The following AP1G1 variants were observed in gnomAD, a reference collection of about 807,000 sequenced individuals.
The protein encoded by AP1G1 is adaptor related protein complex 1 subunit gamma 1.
AP1G1 carries 7 observed loss-of-function variants against 108.3 expected under a neutral mutation model. The ratio of observed to expected loss-of-function variants is 0.06; its 90% confidence interval spans 0.04 to 0.12. The LOEUF (loss-of-function observed/expected upper bound fraction) is 0.12. Ranked by LOEUF, AP1G1 falls within the 10% of genes least tolerant of loss-of-function variation. The pLI is 1.00. For missense variants in AP1G1, 756 were observed against 1,010.7 expected (o/e 0.75, Z 3.42); for synonymous variants, 379 against 353.5 (o/e 1.07, Z -0.81).
intron 10 of AP1G1, 137 bp from the exon 11 acceptor site, chr16:71,759,058 C>CTTAT: frequency 1.7e-6 from 1 of 605,134 alleles, no homozygotes; most frequent in Non-Finnish European, 2.8e-6. Flanking sequence ...AGTTAGTGAA[C>CTTAT]ATAAAAGTAA....
intron 16 of AP1G1, 38 bp from the exon 17 acceptor site, chr16:71,746,730 A>G: frequency 6.7e-7 from 1 of 1,483,040 alleles, no homozygotes. Flanking sequence ...AATACCCAAA[A>G]GAAAATTCAC....
Position 71,771,168 on chromosome 16 carries a change from C to A in AP1G1, c.553G>T (p.Glu185Ter). 6.3e-7 allele frequency: 1 copy of A among 1,598,480 alleles called. No homozygotes were observed. Among genetic ancestry groups the A allele is most frequent in the South Asian group, 1.1e-5 (1 of 90,588 alleles). Residue 185 changes from glutamate to a stop codon, truncating the protein, a stop_gained, in exon 5 of 23, where the codon GAG (glutamate) becomes TAG (stop). Coordinates refer to ENST00000299980, the MANE Select transcript of AP1G1 (RefSeq NM_001128.6). LOFTEE classifies it high-confidence loss of function. ...CAAATTACATTACCATGGTTCTTCTCATTCAATAAATTTTTTGTTGCTGGT... is the reference window on the plus strand; with the variant it reads ...CAAATTACATTACCATGGTTCTTCTAATTCAATAAATTTTTTGTTGCTGGT... ...FLPATKNLLN[E>*]KNHGVLHTSV... is the part of the protein sequence containing the mutation.
intron 2 of AP1G1, among the ~76,000 whole-genome samples, chr16:71,786,760 A>C (rs557910229): frequency 7.8e-4 from 118 of 152,112 alleles, no homozygotes; most frequent in Admixed American, 1.4e-3. Flanking sequence ...CACCCAGCCC[A>C]AATTTTTTTT....
At chr16:71,750,426 T>C in intron 13 of AP1G1, 94 bp from the exon 14 acceptor site, 1 of 1,484,352 alleles carries the variant, frequency 6.7e-7, no homozygotes, top group Non-Finnish European at 9.2e-7. Context: ...TTTTCCTTTC[T>C]TTTTTTGAGA....
At chr16:71,733,587 A>G (rs1191432341) in intron 22 of AP1G1, among the ~76,000 whole-genome samples, 2 of 74,210 alleles carry the variant, frequency 2.7e-5, no homozygotes, top group Non-Finnish European at 5.6e-5. Flanking sequence ...GCTGGTCTTC[A>G]ACTCCTGACC....
At position 71,732,954 on chromosome 16, in the gene AP1G1, C is replaced by T; in HGVS notation, c.*104G>A. Reference sequence around the variant, plus strand: ...CCTCCTCAGCAGTTCTCTTCAGCTCCTCATGCCCGTGGTACAGTTGGGGGG... The same window carrying T: ...CCTCCTCAGCAGTTCTCTTCAGCTCTTCATGCCCGTGGTACAGTTGGGGGG... On this transcript the variant is annotated 3_prime_UTR_variant, in exon 23 of 23. Coordinates refer to ENST00000299980, the MANE Select transcript of AP1G1 (RefSeq NM_001128.6). 1 of 855,588 alleles carries T rather than the reference C, an allele frequency of 1.2e-6. No homozygotes were observed. The highest frequency in any genetic ancestry group is 2.5e-5 in the East Asian group (1 of 39,738). 53.0% of individuals were successfully genotyped at this position (855,588 alleles called of 1,614,324 possible).
intron 1 of AP1G1, chr16:71,807,946 T>C (rs1347594927): frequency 7.9e-7 from 1 of 1,262,796 alleles, no homozygotes; most frequent in Non-Finnish European, 1.0e-6. Context: ...GAGAAAACAT[T>C]TGACAGCTCT....
chr16:71,781,647 T>C (rs922764767), intron 2 of AP1G1, among the ~76,000 whole-genome samples: 1 of 152,206 alleles, frequency 6.6e-6, no homozygotes, highest in African/African-American at 2.4e-5. Flanking sequence ...CTTTGAGTAT[T>C]ACTCACATCA....
chr16:71,800,780 A>G (rs144528053), intron 1 of AP1G1, among the ~76,000 whole-genome samples: 1,730 of 152,000 alleles, frequency 0.011, 30 homozygotes, highest in African/African-American at 0.04. Flanking sequence ...CAGCCTGGGC[A>G]ACACAGCGAG....
intron 15 of AP1G1, among the ~76,000 whole-genome samples, chr16:71,749,031 C>T (rs1409832326): frequency 6.6e-5 from 10 of 152,050 alleles, no homozygotes; most frequent in Non-Finnish European, 1.5e-4. Context: ...CTCAGCCTCC[C>T]GAGTAGCTGG....
In AP1G1 at chr16:71,808,754, G is replaced by A; in HGVS notation, c.-4+9C>T. The A allele has an allele frequency of 7.8e-7, 1 of 1,289,420 alleles. No homozygotes were observed. Among genetic ancestry groups the A allele is most frequent in the Non-Finnish European group, 1.0e-6 (1 of 988,560 alleles). 79.9% of individuals were successfully genotyped at this position (1,289,420 alleles called of 1,614,324 possible). A position where few individuals can be genotyped will look rare whatever the true frequency, so the allele number is the denominator to read the frequency against. On this transcript the variant is annotated intron_variant, in intron 1 of 22. Transcript: ENST00000299980. Reference sequence around the variant, plus strand: ...GCAATATGCTCTCAGCGCCGGGAGTGACACTCACCGGCCCGAAACCTCGAA... The same window carrying A: ...GCAATATGCTCTCAGCGCCGGGAGTAACACTCACCGGCCCGAAACCTCGAA...
intron 2 of AP1G1, among the ~76,000 whole-genome samples, chr16:71,778,835 C>A (rs895915045): frequency 6.6e-6 from 1 of 152,110 alleles, no homozygotes; most frequent in South Asian, 2.1e-4. Context: ...ATCTCCAAAT[C>A]TCCAAAAGCA....
At chr16:71,793,847 C>T (rs113411885) in intron 1 of AP1G1, among the ~76,000 whole-genome samples, 2,336 of 152,226 alleles carry the variant, frequency 0.015, 30 homozygotes, top group Middle Eastern at 0.054. Context: ...GTAGCTGGGA[C>T]TACAGGCGCA....
rs1378526127 is a variant in AP1G1, at chr16:71,732,038, C to T, written c.*1020G>A. On this transcript the variant is annotated 3_prime_UTR_variant, in exon 23 of 23. Coordinates refer to ENST00000299980, the MANE Select transcript of AP1G1 (RefSeq NM_001128.6). The stretch of plus-strand genomic sequence containing the variant: ...ATAGATAAGATGACTCCAATACTCA[C>T]TCTTCCTAAGGGCAAAGGTACTTTT... 6.6e-6 allele frequency: 1 copy of T among 152,514 alleles called. No homozygotes were observed. Among genetic ancestry groups the T allele is most frequent in the East Asian group, 1.9e-4 (1 of 5,198 alleles). The allele number at this position is 152,514 out of a possible 1,614,324, so 9.4% of individuals were successfully genotyped here.
intron 3 of AP1G1, 107 bp from the exon 4 acceptor site, chr16:71,773,469 A>C: frequency 1.8e-6 from 2 of 1,122,644 alleles, no homozygotes; most frequent in Non-Finnish European, 2.4e-6. Context: ...AATAACAAAA[A>C]CAATAGGATT....
chr16:71,804,512 A>T (rs539367960), intron 1 of AP1G1, among the ~76,000 whole-genome samples: 1 of 151,084 alleles, frequency 6.6e-6, no homozygotes, highest in Non-Finnish European at 1.5e-5. Flanking sequence ...TGTTCAAGCA[A>T]TCCTCCCACC....
intron 1 of AP1G1, among the ~76,000 whole-genome samples, chr16:71,804,749 G>A (rs1468907550): frequency 6.6e-6 from 1 of 152,134 alleles, no homozygotes; most frequent in Non-Finnish European, 1.5e-5. Context: ...AGGCATGGTG[G>A]CACACACCTT....
chr16:71,748,801 A>G (rs2030323027), intron 15 of AP1G1, among the ~76,000 whole-genome samples: 1 of 152,200 alleles, frequency 6.6e-6, no homozygotes. Flanking sequence ...GCCAGAGGGT[A>G]AGAGAAACAG....
At chr16:71,807,907 T>C (rs1263206826) in intron 1 of AP1G1, 2 of 1,283,436 alleles carry the variant, frequency 1.6e-6, no homozygotes, top group East Asian at 1.1e-4. Flanking sequence ...AAAAGCTAAG[T>C]ATTCAGCACA....
Sources: gnomAD v4.1 joint callset for allele counts (sites outside exome capture counted in the v4.1 genomes callset) on GRCh38, gnomAD v4.1.1 for gene constraint, MANE v1.5 for transcripts, NCBI Gene and HGNC (gene_info 2026-07-23, HGNC 2026-07-21) for gene names.